TEX11: variants seen among roughly 807,000 people sequenced by gnomAD.
TEX11 encodes the protein testis-expressed protein 11.
In TEX11, 7 loss-of-function variants were observed where a neutral mutation model predicts 84.4. The ratio of observed to expected loss-of-function variants is 0.08; its 90% CI spans 0.05 to 0.16. TEX11 has a LOEUF of 0.16. TEX11 is among the 10% of genes least tolerant of loss of function. The probability of loss-of-function intolerance (pLI) is 1.00; values close to 1 mark genes in which losing one functional copy is unlikely to be tolerated. For missense variants in TEX11, 551 were observed against 660.5 expected, an observed-to-expected ratio of 0.83 and a Z score of 1.82; for synonymous variants, 264 against 222.8, an observed-to-expected ratio of 1.18 and a Z score of -1.64.
intron 5 of TEX11, among the ~76,000 whole-genome samples, chrX:70,860,138 A>C (rs2091561129): frequency 8.9e-6 from 1 of 112,160 alleles, no homozygotes; most frequent in Non-Finnish European, 1.9e-5. Flanking sequence ...AGCTGGACAA[A>C]ATATAACTGT....
intron 11 of TEX11, among the ~76,000 whole-genome samples, chrX:70,726,813 G>A: frequency 9.3e-6 from 1 of 107,608 alleles, no homozygotes; most frequent in Non-Finnish European, 1.9e-5. Context: ...TTACAGGCAT[G>A]AGCCACCAGG....
intron 16 of TEX11, among the ~76,000 whole-genome samples, chrX:70,657,293 A>C (rs1445612309): frequency 9.0e-6 from 1 of 111,297 alleles, no homozygotes; most frequent in Admixed American, 9.6e-5. Flanking sequence ...TTATTTTTAA[A>C]CACTAACAAA....
At chrX:70,799,532 A>C (rs2091174704) in intron 9 of TEX11, among the ~76,000 whole-genome samples, 1 of 112,030 alleles carries the variant, frequency 8.9e-6, no homozygotes. Context: ...AAAAATCACC[A>C]GGCAAAATGC....
intron 20 of TEX11, among the ~76,000 whole-genome samples, chrX:70,617,068 A>T (rs2089325624): frequency 9.0e-6 from 1 of 111,146 alleles, no homozygotes; most frequent in South Asian, 3.7e-4. Flanking sequence ...TACCCCATGT[A>T]CCCTGAAGTG....
At chrX:70,586,862 GA>G (rs2088859326) in intron 25 of TEX11, among the ~76,000 whole-genome samples, 1 of 111,964 alleles carries the variant, frequency 8.9e-6, no homozygotes, top group East Asian at 2.8e-4. Context: ...GGGTTTAGAA[GA>G]CAGGAAGATC....
intron 8 of TEX11, among the ~76,000 whole-genome samples, chrX:70,809,759 C>T (rs1000521726): frequency 9.0e-6 from 1 of 110,582 alleles, no homozygotes; most frequent in Non-Finnish European, 1.9e-5. Context: ...TGCAGTGGTG[C>T]GTTCTCGGCT....
At chrX:70,737,489 G>GC (rs902909337) in intron 11 of TEX11, among the ~76,000 whole-genome samples, 1 of 110,158 alleles carries the variant, frequency 9.1e-6, no homozygotes, top group Non-Finnish European at 1.9e-5. Flanking sequence ...ATCACAAAGA[G>GC]CCCCAAGCAC....
Position 70,545,772 on chromosome X carries a change from G to A in TEX11, c.2520+6354C>T, listed in dbSNP as rs184657417. Among the ~76,000 whole-genome samples the A allele has an allele frequency of 1.3e-3, 141 of 111,725 alleles. No homozygotes were observed. In the Middle Eastern group the frequency reaches 0.028, roughly 22 times the overall value. On this transcript the variant is annotated intron_variant, in intron 28 of 29. Transcript: ENST00000374333. ...AACACTGGCATCACCACAAACATGT[G>A]AGTAATGTGTTGCCTTACGATGGCT... is the stretch of plus-strand genomic sequence containing the variant.
intron 8 of TEX11, among the ~76,000 whole-genome samples, chrX:70,815,193 A>G (rs1317251195): frequency 2.7e-5 from 3 of 112,358 alleles, no homozygotes; most frequent in Non-Finnish European, 5.6e-5. Flanking sequence ...AATTAATTAC[A>G]AGAGTCTCAA....
intron 2 of TEX11, among the ~76,000 whole-genome samples, chrX:70,898,900 C>T (rs1456310723): frequency 3.6e-5 from 4 of 111,732 alleles, no homozygotes; most frequent in South Asian, 7.5e-4. Context: ...CCACGGCACC[C>T]GGCCATAAAC....
At chrX:70,661,628 T>G (rs918245812) in intron 16 of TEX11, among the ~76,000 whole-genome samples, 14 of 111,313 alleles carry the variant, frequency 1.3e-4, no homozygotes, top group African/African-American at 1.3e-4. Flanking sequence ...CACCCCCCAG[T>G]AGGGGCAGAC....
chrX:70,543,958 C>T (rs2088081526), intron 28 of TEX11, among the ~76,000 whole-genome samples: 1 of 111,778 alleles, frequency 8.9e-6, no homozygotes, highest in Non-Finnish European at 1.9e-5. Context: ...GCAACTGTAA[C>T]CCAGAGGTAA....
chrX:70,545,790 C>T (rs774092148), intron 28 of TEX11, among the ~76,000 whole-genome samples: 1 of 111,524 alleles, frequency 9.0e-6, no homozygotes, highest in Non-Finnish European at 1.9e-5. Flanking sequence ...TGTTGCCTTA[C>T]GATGGCTATG....
chrX:70,782,666 A>AAAAAGGG (rs2091048802), intron 9 of TEX11, among the ~76,000 whole-genome samples: 1 of 100,939 alleles, frequency 9.9e-6, no homozygotes, highest in Non-Finnish European at 2.0e-5. Context: ...AAAAAAAAAA[A>AAAAAGGG]CAGGGGTTGC....
intron 17 of TEX11, among the ~76,000 whole-genome samples, chrX:70,636,749 G>A (rs1051706450): frequency 2.2e-4 from 25 of 112,140 alleles, no homozygotes; most frequent in Non-Finnish European, 3.4e-4. Flanking sequence ...CACCTCAGTG[G>A]ATATAGGCTC....
chrX:70,742,469 C>T (rs2090739810), intron 10 of TEX11, among the ~76,000 whole-genome samples: 1 of 109,780 alleles, frequency 9.1e-6, no homozygotes, highest in South Asian at 3.9e-4. Context: ...TGGCTCATGC[C>T]TGTAATCCTA....
At chrX:70,699,431 C>T (rs1299453392) in intron 13 of TEX11, among the ~76,000 whole-genome samples, 1 of 111,558 alleles carries the variant, frequency 9.0e-6, no homozygotes, top group African/African-American at 3.3e-5. Context: ...AAAGACCCAA[C>T]GAAATCCCAC....
At chrX:70,714,725 A>T (rs1017338460) in intron 13 of TEX11, among the ~76,000 whole-genome samples, 1 of 111,481 alleles carries the variant, frequency 9.0e-6, no homozygotes, top group South Asian at 3.8e-4. Context: ...CAGCACACTG[A>T]TGGGTCTTGA....
intron 5 of TEX11, among the ~76,000 whole-genome samples, chrX:70,858,096 C>T (rs959240640): frequency 1.2e-3 from 127 of 108,831 alleles, no homozygotes; most frequent in African/African-American, 4.0e-3. Context: ...ACTACAAATA[C>T]GATGCCTTGT....
Sources: allele counts gnomAD v4.1 joint callset (sites outside exome capture counted in the v4.1 genomes callset), GRCh38; gene constraint gnomAD v4.1.1; transcripts MANE v1.5; gene names NCBI Gene and HGNC (gene_info 2026-07-23, HGNC 2026-07-21).